The following BBS9 variants were observed in gnomAD, a reference collection of about 807,000 sequenced individuals.
BBS9 encodes the protein Bardet-Biedl syndrome 9, also known as protein PTHB1.
BBS9 carries 89 observed loss-of-function variants against 117.7 expected under a neutral mutation model. The ratio of observed to expected loss-of-function variants is 0.76; its 90% CI spans 0.64 to 0.90. The LOEUF (loss-of-function observed/expected upper bound fraction) is 0.90. BBS9 is among the 40% of genes least tolerant of loss of function. The pLI, the probability that BBS9 is intolerant of heterozygous loss-of-function variation, is 0.00. For missense variants in BBS9, 982 were observed against 1,042.2 expected (o/e 0.94, Z 0.80); for synonymous variants, 379 against 370.9 (o/e 1.02, Z -0.25).
intron 15 of BBS9, among the ~76,000 whole-genome samples, chr7:33,357,384 A>G (rs1474498685): frequency 6.6e-6 from 1 of 151,744 alleles, no homozygotes; most frequent in Non-Finnish European, 1.5e-5. Context: ...TCATCAAGTA[A>G]AAAAAGCTAA....
rs117450782 is a variant in BBS9, at chr7:33,245,559, C to T, written c.443-11677C>T. On this transcript the variant is annotated intron_variant, in intron 5 of 22. Transcript: ENST00000242067. ...TAAATACTTTTGGTTCTAGTGGATGCGAGGGACTATCAGGGATGGAGAGGC... is the reference window on the plus strand; with the variant it reads ...TAAATACTTTTGGTTCTAGTGGATGTGAGGGACTATCAGGGATGGAGAGGC... 2.6e-5 allele frequency among the ~76,000 whole-genome samples: 4 copies of T among 151,974 alleles called. No individual in the cohort carries two copies. The East Asian group carries it at 5.8e-4, about 22-fold the overall frequency.
At chr7:33,231,538 A>AT (rs911935658) in intron 5 of BBS9, among the ~76,000 whole-genome samples, 5 of 149,444 alleles carry the variant, frequency 3.3e-5, no homozygotes, top group South Asian at 2.1e-4. Flanking sequence ...CATTCTCAGA[A>AT]TTTTTTTTAG....
At chr7:33,547,617 G>T (rs1853621232) in intron 21 of BBS9, among the ~76,000 whole-genome samples, 1 of 152,192 alleles carries the variant, frequency 6.6e-6, no homozygotes, top group Admixed American at 6.5e-5. Context: ...TTGACAGAGC[G>T]AGAGGGGTAA....
rs556419248 is a variant in BBS9, at chr7:33,528,084, A to T, written c.2299-5870A>T. On this transcript the variant is annotated intron_variant, in intron 20 of 22. Transcript: ENST00000242067. ...CAATATGATACAAAGTAATAACCAT[A>T]ATCTTCTGTGGATCAATTATAAATA... 2.0e-5 allele frequency among the ~76,000 whole-genome samples: 3 copies of T among 152,328 alleles called. No individual in the cohort carries two copies. The East Asian group carries it at 5.8e-4, about 29-fold the overall frequency.
intron 17 of BBS9, among the ~76,000 whole-genome samples, chr7:33,372,891 T>C (rs1156813087): frequency 6.6e-6 from 1 of 152,184 alleles, no homozygotes; most frequent in African/African-American, 2.4e-5. Context: ...GGTAGGTTTA[T>C]GTATCCAGGA....
chr7:33,608,708 T>A (rs1864711793), downstream of BBS9, among the ~76,000 whole-genome samples: 1 of 152,110 alleles, frequency 6.6e-6, no homozygotes, highest in Non-Finnish European at 1.5e-5. Context: ...TGGGATTATT[T>A]GTTTTTTGCT....
At chr7:33,528,813 C>G (rs904021232) in intron 20 of BBS9, among the ~76,000 whole-genome samples, 3 of 152,194 alleles carry the variant, frequency 2.0e-5, no homozygotes, top group African/African-American at 7.2e-5. Context: ...ATCATCAACT[C>G]AACTGTTTTG....
At chr7:33,282,906 A>T (rs1413344597) in intron 9 of BBS9, among the ~76,000 whole-genome samples, 1 of 152,200 alleles carries the variant, frequency 6.6e-6, no homozygotes, top group African/African-American at 2.4e-5. Context: ...GTGAAACATA[A>T]GGAAAATAGC....
chr7:33,424,656 G>T (rs1015334328), intron 19 of BBS9, among the ~76,000 whole-genome samples: 2 of 152,024 alleles, frequency 1.3e-5, no homozygotes, highest in African/African-American at 4.8e-5. Context: ...TTAAGCAGAG[G>T]GTTTAACAGA....
At chr7:33,314,240 T>G (rs1179199431) in intron 9 of BBS9, 1 of 208,744 alleles carries the variant, frequency 4.8e-6, no homozygotes, top group African/African-American at 3.3e-5. Context: ...ATTTCCTTTC[T>G]TTTTTTTTTT....
intron 17 of BBS9, among the ~76,000 whole-genome samples, chr7:33,379,730 G>A (rs1157697772): frequency 6.6e-6 from 1 of 152,168 alleles, no homozygotes; most frequent in Non-Finnish European, 1.5e-5. Flanking sequence ...ATAAATTGGG[G>A]AAAGTAATGA....
intron 19 of BBS9, among the ~76,000 whole-genome samples, chr7:33,418,639 G>C (rs931219614): frequency 6.6e-6 from 1 of 152,240 alleles, no homozygotes; most frequent in African/African-American, 2.4e-5. Context: ...GGAATGCTGT[G>C]GTGGCTTCAC....
At chr7:33,159,598 C>T (rs1474457611) in intron 4 of BBS9, among the ~76,000 whole-genome samples, 6 of 152,232 alleles carry the variant, frequency 3.9e-5, no homozygotes, top group Non-Finnish European at 5.9e-5. Context: ...TAGTCAGGTT[C>T]TCACATAGGT....
intron 21 of BBS9, among the ~76,000 whole-genome samples, chr7:33,589,633 C>T (rs1044033657): frequency 6.6e-6 from 1 of 151,920 alleles, no homozygotes; most frequent in African/African-American, 2.4e-5. Flanking sequence ...TGGCTCGAGA[C>T]ACTGAAAGGG....
chr7:33,605,164 T>C (rs1489216755), intron 22 of BBS9, 31 bp from the exon 23 acceptor site: 4 of 1,595,410 alleles, frequency 2.5e-6, no homozygotes, highest in Non-Finnish European at 3.4e-6. Flanking sequence ...ATCTTTTCTC[T>C]CTCTTTCTCT....
At chr7:33,440,059 G>T (rs1318132511) in intron 19 of BBS9, among the ~76,000 whole-genome samples, 1 of 152,144 alleles carries the variant, frequency 6.6e-6, no homozygotes, top group African/African-American at 2.4e-5. Context: ...ATGCAAAAAG[G>T]CTTAGACGTT....
At chr7:33,565,822 T>TGCC (rs1856816428) in intron 21 of BBS9, among the ~76,000 whole-genome samples, 1 of 48,988 alleles carries the variant, frequency 2.0e-5, no homozygotes, top group African/African-American at 3.0e-4. Flanking sequence ...TATATATATA[T>TGCC]ATATACCGCT....
intron 9 of BBS9, among the ~76,000 whole-genome samples, chr7:33,300,831 A>C (rs1186748270): frequency 6.6e-6 from 1 of 151,962 alleles, no homozygotes; most frequent in Non-Finnish European, 1.5e-5. Flanking sequence ...AATGCTCTTT[A>C]CTGTTTCTTT....
intron 9 of BBS9, among the ~76,000 whole-genome samples, chr7:33,324,226 T>C (rs1451886869): frequency 6.6e-6 from 1 of 152,180 alleles, no homozygotes; most frequent in Non-Finnish European, 1.5e-5. Context: ...GTTGTATGTG[T>C]TTTGATTTGA....
Sources: gnomAD v4.1 joint callset for allele counts (sites outside exome capture counted in the v4.1 genomes callset) on GRCh38, gnomAD v4.1.1 for gene constraint, MANE v1.5 for transcripts, NCBI Gene and HGNC (gene_info 2026-07-23, HGNC 2026-07-21) for gene names.